The following CFAP298 variants were observed in gnomAD, a reference collection of about 807,000 sequenced individuals.
CFAP298 encodes cilia and flagella associated protein 298, also known as cilia- and flagella-associated protein 298.
Under a neutral mutation model 41.0 loss-of-function variants are expected in CFAP298, and 38 were observed. The ratio of observed to expected loss-of-function variants is 0.93; its 90% CI spans 0.72 to 1.22. CFAP298 has a LOEUF of 1.22. Ranked by LOEUF, CFAP298 falls within the 50% of genes most tolerant of loss-of-function variation. CFAP298 has a pLI of 0.00. For missense variants in CFAP298, 348 were observed against 360.3 expected (o/e 0.97, Z 0.28); for synonymous variants, 137 against 135.3 (o/e 1.01, Z -0.09).
rs201328420 is a variant in CFAP298, at chr21:32,612,213, C to T, written c.31G>A (p.Glu11Lys). The T allele has an allele frequency of 3.9e-5, 62 of 1,609,896 alleles. No individual in the cohort carries two copies. Among genetic ancestry groups the T allele is most frequent in the Non-Finnish European group, 5.0e-5 (59 of 1,178,840 alleles). MVLLHVKRGDESQFLLQAPGS... is the reference protein window; with the variant it reads MVLLHVKRGDKSQFLLQAPGS... ...GGCGCCTGCAGCAGGAACTGGCTCT[C>T]GTCGCCCCGCTTCACGTGCAGCAGA... The change falls in exon 1 of 7, where the codon GAG becomes AAG. Residue 11 changes from glutamate to lysine, a missense_variant. Glu to Lys is a moderately conservative substitution (Grantham distance 56). Coordinates refer to ENST00000290155, the MANE Select transcript of CFAP298 (RefSeq NM_021254.4).
rs766060470 is a variant in CFAP298 at position 32,602,259 on chromosome 21, T to C, written c.762+13A>G. The C allele has an allele frequency of 9.9e-6, 16 of 1,613,256 alleles. No individual in the cohort carries two copies. Among genetic ancestry groups the C allele is most frequent in the Non-Finnish European group, 1.4e-5 (16 of 1,179,390 alleles). On this transcript the variant is annotated intron_variant, in intron 6 of 6. Coordinates refer to ENST00000290155, the MANE Select transcript of CFAP298 (RefSeq NM_021254.4). ...GCGCCAGCACTGCAGAAAGCCCATC[T>C]GTCCCCTGCTACCTTGAGCTCCTCT...
intron 1 of CFAP298, among the ~76,000 whole-genome samples, chr21:32,610,496 C>G (rs759129506): frequency 2.5e-4 from 38 of 152,216 alleles, no homozygotes; most frequent in Admixed American, 1.9e-3. Flanking sequence ...TGAGCCACCA[C>G]GCCCGGCCCC....
Position 32,601,932 on chromosome 21 carries a change from T to C in CFAP298, c.804A>G (p.Pro268=), listed in dbSNP as rs760529852. 9 of 1,612,944 alleles carry C rather than the reference T, an allele frequency of 5.6e-6. No homozygotes were observed. The South Asian group carries it at 8.8e-5, about 16-fold the overall frequency. Residue 268 remains proline (P), a synonymous_variant, in exon 7 of 7, where the codon CCA becomes CCG. Transcript: ENST00000290155. ...TTTTCAAAGCAGTGTTATCCGCCCA[T>C]GGTGAGTTTAAATAGGCATCATCAT... is the stretch of plus-strand genomic sequence containing the variant. ...ENDDDAYLNS[P]WADNTALKRH...
chr21:32,607,801 CA>C (rs2038900773), intron 2 of CFAP298, 85 bp from the exon 3 acceptor site: 7 of 814,738 alleles, frequency 8.6e-6, no homozygotes, highest in Non-Finnish European at 1.4e-5. Context: ...CTGTCTGAGT[CA>C]GGGGGTAAAT....
In CFAP298 at chr21:32,604,022, G is replaced by A. The variant is rs113814456; in HGVS notation, c.534+103C>T. 733 of 1,167,848 alleles carry A rather than the reference G, an allele frequency of 6.3e-4. 4 individuals carry two copies. In the African/African-American group the frequency reaches 9.6e-3, roughly 15 times the overall value. 72.3% of individuals were successfully genotyped at this position (1,167,848 alleles called of 1,614,324 possible). Reference sequence around the variant, plus strand: ...GCAGGGCATAGCAAACCTGAAAGCTGTGTAGGGAGCAAAACACTACATCCA... The same window carrying A: ...GCAGGGCATAGCAAACCTGAAAGCTATGTAGGGAGCAAAACACTACATCCA... On this transcript the variant is annotated intron_variant, in intron 4 of 6. Transcript: ENST00000290155.
intron 1 of CFAP298, among the ~76,000 whole-genome samples, chr21:32,611,324 T>A (rs1445140776): frequency 1.6e-5 from 2 of 125,032 alleles, no homozygotes; most frequent in East Asian, 4.0e-4. Context: ...ATACCATATA[T>A]ATATATATAT....
In CFAP298 at chr21:32,609,802, A is replaced by G. The variant is rs112918603; in HGVS notation, c.307+36T>C. ...GAACTGTTTTCATACTTATGCCTGTATCAAGCATGCACATAGAAGAGAAAT... is the reference window on the plus strand; with the variant it reads ...GAACTGTTTTCATACTTATGCCTGTGTCAAGCATGCACATAGAAGAGAAAT... On this transcript the variant is annotated intron_variant, in intron 2 of 6. Coordinates refer to ENST00000290155, the MANE Select transcript of CFAP298 (RefSeq NM_021254.4). The G allele has an allele frequency of 4.2e-4, 661 of 1,576,238 alleles. 6 individuals are homozygous for G. The African/African-American group carries it at 7.4e-3, about 18-fold the overall frequency.
Position 32,601,877 on chromosome 21 carries a change from A to C in CFAP298, c.859T>G (p.Trp287Gly). 1 of 1,604,980 alleles carries C rather than the reference A, an allele frequency of 6.2e-7. No homozygotes were observed. Among genetic ancestry groups the C allele is most frequent in the Non-Finnish European group, 8.5e-7 (1 of 1,172,440 alleles). ...GCTGGTGAACTTCATCTTGGTCTCC[A>C]CTTTATGTCTTTCACTCCATGAAAA... ...RHFHGVKDIK[W>G]RPR Residue 287 changes from tryptophan (W) to glycine (G), a missense_variant, in exon 7 of 7, where the codon TGG becomes GGG. Transcript: ENST00000290155.
chr21:32,606,603 A>G (rs919444992), intron 3 of CFAP298, among the ~76,000 whole-genome samples: 4 of 152,214 alleles, frequency 2.6e-5, no homozygotes, highest in African/African-American at 9.6e-5. Flanking sequence ...TCCTATATTA[A>G]CAGGCACAGA....
rs1568989391 is a variant in CFAP298 at position 32,600,576 on chromosome 21, C to CTGGGCCATTTCTGGT, written c.*1286_*1287insACCAGAAATGGCCCA. On this transcript the variant is annotated 3_prime_UTR_variant, in exon 7 of 7. Transcript: ENST00000290155. Reference sequence around the variant, plus strand: ...GGCACCAAAAGTCAAGCATGAGGGACTGCCACAGGCAGTCTGGCAGGTGTC... The same window carrying CTGGGCCATTTCTGGT: ...GGCACCAAAAGTCAAGCATGAGGGACTGGGCCATTTCTGGTTGCCACAGGCAGTCTGGCAGGTGTC... Among the ~76,000 whole-genome samples, 1 of 152,196 alleles carries CTGGGCCATTTCTGGT rather than the reference C, an allele frequency of 6.6e-6. No individual in the cohort carries two copies. Among genetic ancestry groups the CTGGGCCATTTCTGGT allele is most frequent in the Non-Finnish European group, 1.5e-5 (1 of 68,030 alleles).
chr21:32,609,527 G>T (rs1169200491), intron 2 of CFAP298, among the ~76,000 whole-genome samples: 1 of 152,244 alleles, frequency 6.6e-6, no homozygotes, highest in South Asian at 2.1e-4. Flanking sequence ...CACTTTGGGA[G>T]GCCGAGACCG....
At chr21:32,609,744 T>C (rs2038946030) in intron 2 of CFAP298, 94 bp downstream of exon 2, 1 of 1,184,648 alleles carries the variant, frequency 8.4e-7, no homozygotes, top group African/African-American at 1.5e-5. Flanking sequence ...CAGCCTGGGC[T>C]AGAGCAAGAA....
chr21:32,611,982 C>G (rs932086782), intron 1 of CFAP298, 123 bp downstream of exon 1: 2 of 1,192,716 alleles, frequency 1.7e-6, no homozygotes, highest in Non-Finnish European at 2.2e-6. Context: ...GTTTCAACCC[C>G]GGCTGCTGCA....
intron 2 of CFAP298, 91 bp downstream of exon 2, chr21:32,609,747 A>T (rs2038946147): frequency 1.6e-6 from 2 of 1,220,752 alleles, no homozygotes; most frequent in Non-Finnish European, 2.3e-6. Flanking sequence ...CCTGGGCTAG[A>T]GCAAGAATCC....
intron 1 of CFAP298, among the ~76,000 whole-genome samples, chr21:32,611,338 T>TATATAA (rs954890218): frequency 6.0e-5 from 8 of 132,370 alleles, no homozygotes; most frequent in African/African-American, 2.7e-4. Context: ...TATATATATA[T>TATATAA]AATTTATTTA....
chr21:32,608,111 C>T (rs2038907626), intron 2 of CFAP298, among the ~76,000 whole-genome samples: 1 of 151,474 alleles, frequency 6.6e-6, no homozygotes, highest in Admixed American at 6.6e-5. Context: ...ACTGGGGTAG[C>T]TGCGTCTCCT....
rs2038877376 is a variant in CFAP298 at position 32,606,878 on chromosome 21, G to A, written c.375+771C>T. ...GATACACATTATCTGTATATCAATGGTATAAATTTACGCTCCTCCCTCTAT... is the reference window on the plus strand; with the variant it reads ...GATACACATTATCTGTATATCAATGATATAAATTTACGCTCCTCCCTCTAT... On this transcript the variant is annotated intron_variant, in intron 3 of 6. Coordinates refer to ENST00000290155, the MANE Select transcript of CFAP298 (RefSeq NM_021254.4). Among the ~76,000 whole-genome samples, 3 of 152,024 alleles carry A rather than the reference G, an allele frequency of 2.0e-5. No homozygotes were observed. In the South Asian group the frequency reaches 6.2e-4, roughly 31 times the overall value.
Position 32,612,331 on chromosome 21 carries a change from G to A in CFAP298, c.-88C>T. Reference sequence around the variant, plus strand: ...CCGGCCGAGGGTCGCCGGATCGCCAGCAGCTGCGACGCACTAACAGCCGCT... The same window carrying A: ...CCGGCCGAGGGTCGCCGGATCGCCAACAGCTGCGACGCACTAACAGCCGCT... On this transcript the variant is annotated 5_prime_UTR_variant, in exon 1 of 7. Coordinates refer to ENST00000290155, the MANE Select transcript of CFAP298 (RefSeq NM_021254.4). 2 of 1,457,628 alleles carry A rather than the reference G, an allele frequency of 1.4e-6. No individual in the cohort carries two copies. The highest frequency in any genetic ancestry group is 1.8e-6 in the Non-Finnish European group (2 of 1,104,494). 90.3% of individuals were successfully genotyped at this position (1,457,628 alleles called of 1,614,324 possible). A position where few individuals can be genotyped will look rare whatever the true frequency, so the allele number is the denominator to read the frequency against.
Position 32,600,479 on chromosome 21 carries a change from A to G in CFAP298, c.*1384T>C, listed in dbSNP as rs1298184234. On this transcript the variant is annotated 3_prime_UTR_variant, in exon 7 of 7. Transcript: ENST00000290155. ...AAGGCAGGAAGGCCAGGGCAGGAAGATGCCCCGCGTCCTTCACTTTCCCTC... is the reference window on the plus strand; with the variant it reads ...AAGGCAGGAAGGCCAGGGCAGGAAGGTGCCCCGCGTCCTTCACTTTCCCTC... Among the ~76,000 whole-genome samples the G allele has an allele frequency of 6.6e-6, 1 of 152,194 alleles. No homozygotes were observed. The highest frequency in any genetic ancestry group is 1.5e-5 in the Non-Finnish European group (1 of 68,026).
Sources: gnomAD v4.1 joint callset for allele counts (sites outside exome capture counted in the v4.1 genomes callset) on GRCh38, gnomAD v4.1.1 for gene constraint, MANE v1.5 for transcripts, NCBI Gene and HGNC (gene_info 2026-07-23, HGNC 2026-07-21) for gene names.